CLIC5: variants seen among roughly 807,000 people sequenced by gnomAD.
The protein encoded by CLIC5 is chloride intracellular channel protein 5.
Under a neutral mutation model 24.7 loss-of-function variants are expected in CLIC5, and 20 were observed. The ratio of observed to expected loss-of-function variants is 0.81; its 90% CI spans 0.57 to 1.18. CLIC5 has a LOEUF of 1.18. Ranked by LOEUF, CLIC5 falls within the 50% of genes most tolerant of loss-of-function variation. CLIC5 has a pLI of 0.00. For synonymous variants in CLIC5, 159 were observed against 135.6 expected, an observed-to-expected ratio of 1.17 and a Z score of -1.20; for missense variants, 341 against 326.1, an observed-to-expected ratio of 1.05 and a Z score of -0.35.
At chr6:46,025,293 A>AT (rs1767298508) in intron 1 of CLIC5, among the ~76,000 whole-genome samples, 1 of 152,180 alleles carries the variant, frequency 6.6e-6, no homozygotes, top group South Asian at 2.1e-4. Flanking sequence ...CAAAAGAGTT[A>AT]TTTTTCCCCA....
rs58643121 is a variant in CLIC5 at position 46,006,127 on chromosome 6, C to CATATATAT, written c.63+9345_63+9352dup. ...ATATATATATACACATGTATAAATA[C>CATATATAT]ATATATATATATATATATATATATA... is the stretch of plus-strand genomic sequence containing the variant. On this transcript the variant is annotated intron_variant, in intron 1 of 5. Transcript: ENST00000339561. Among the ~76,000 whole-genome samples, 111 of 35,108 alleles carry CATATATAT rather than the reference C, an allele frequency of 3.2e-3. 2 individuals are homozygous for CATATATAT. Among genetic ancestry groups the CATATATAT allele is most frequent in the African/African-American group, 8.0e-3 (43 of 5,384 alleles). 23.0% of individuals were successfully genotyped at this position (35,108 alleles called of 152,430 possible). A position where few individuals can be genotyped will look rare whatever the true frequency, so the allele number is the denominator to read the frequency against.
intron 5 of CLIC5, among the ~76,000 whole-genome samples, chr6:45,905,869 T>C (rs1361079476): frequency 6.6e-6 from 1 of 152,212 alleles, no homozygotes; most frequent in Admixed American, 6.5e-5. Flanking sequence ...CTTTAATCCA[T>C]ATTGAGTTAC....
chr6:45,989,296 A>G (rs1484498580), intron 1 of CLIC5, among the ~76,000 whole-genome samples: 2 of 152,150 alleles, frequency 1.3e-5, no homozygotes, highest in Non-Finnish European at 2.9e-5. Context: ...CTTCTCTGAC[A>G]ATTAGCCTCA....
downstream of CLIC5, among the ~76,000 whole-genome samples, chr6:45,897,369 T>C (rs553434853): frequency 8.8e-4 from 134 of 152,188 alleles, no homozygotes; most frequent in Non-Finnish European, 1.6e-3. Context: ...GCTTTACTCT[T>C]GGAACTGGGG....
At chr6:46,000,587 G>T (rs1222461151) in intron 1 of CLIC5, among the ~76,000 whole-genome samples, 1 of 152,176 alleles carries the variant, frequency 6.6e-6, no homozygotes, top group Admixed American at 6.5e-5. Context: ...AAGAAAAGAG[G>T]TTTAATTGAC....
At chr6:45,897,218 C>G (rs920453580), downstream of CLIC5, among the ~76,000 whole-genome samples, 8 of 152,100 alleles carry the variant, frequency 5.3e-5, no homozygotes, top group Non-Finnish European at 1.2e-4. Context: ...AAGCAGTGAC[C>G]TAAGGAGTCA....
At chr6:46,098,230 C>G in the CLIC5 span, among the ~76,000 whole-genome samples, 2 of 152,302 alleles carry the variant, frequency 1.3e-5, no homozygotes, top group East Asian at 1.9e-4. Flanking sequence ...TTGTAGGTAT[C>G]TTTTTCTTCC....
intron 1 of CLIC5, among the ~76,000 whole-genome samples, chr6:46,011,609 C>G (rs1055799140): frequency 1.3e-5 from 2 of 152,154 alleles, no homozygotes; most frequent in African/African-American, 4.8e-5. Context: ...GAGACACTTG[C>G]GGCGAGCTTG....
intron 1 of CLIC5, among the ~76,000 whole-genome samples, chr6:46,041,604 T>C (rs1301527769): frequency 1.3e-5 from 2 of 152,184 alleles, no homozygotes. Context: ...AACCAAAAAA[T>C]TAGAGGTCAT....
chr6:46,084,647 T>C (rs1339291297), upstream of CLIC5, among the ~76,000 whole-genome samples: 1 of 152,228 alleles, frequency 6.6e-6, no homozygotes, highest in Non-Finnish European at 1.5e-5. Context: ...AGATCCGCTG[T>C]TAGTCTGATG....
At chr6:45,888,397 G>T (rs563800716) in intron 6 of CLIC5, among the ~76,000 whole-genome samples, 7 of 152,272 alleles carry the variant, frequency 4.6e-5, no homozygotes, top group East Asian at 3.9e-4. Context: ...GAGTTTCAGG[G>T]AAAGAGAGAT....
At chr6:45,974,495 G>GTATATATATA (rs1456137513) in intron 1 of CLIC5, among the ~76,000 whole-genome samples, 5 of 76,546 alleles carry the variant, frequency 6.5e-5, no homozygotes, top group African/African-American at 2.4e-4. Context: ...GTGTGTGTGT[G>GTATATATATA]TGTATATATA....
chr6:46,092,790 A>G, the CLIC5 span, among the ~76,000 whole-genome samples: 1 of 152,168 alleles, frequency 6.6e-6, no homozygotes, highest in Non-Finnish European at 1.5e-5. Context: ...CTACTCTGTC[A>G]TTGTTAATAA....
At chr6:46,060,060 A>T (rs1299992978) in intron 1 of CLIC5, among the ~76,000 whole-genome samples, 1 of 152,150 alleles carries the variant, frequency 6.6e-6, no homozygotes, top group African/African-American at 2.4e-5. Context: ...AGCAAATATT[A>T]AAAATAAAAA....
chr6:46,128,493 C>A, the CLIC5 span, among the ~76,000 whole-genome samples: 2 of 152,232 alleles, frequency 1.3e-5, 1 homozygote, highest in South Asian at 4.1e-4. Flanking sequence ...CTTACCCTGA[C>A]TATTGTTCAA....
At chr6:46,093,795 G>C in the CLIC5 span, among the ~76,000 whole-genome samples, 1 of 152,186 alleles carries the variant, frequency 6.6e-6, no homozygotes, top group African/African-American at 2.4e-5. Flanking sequence ...ATCAAAGAAA[G>C]ATGAAAACAC....
chr6:46,044,530 C>A (rs141334895), intron 1 of CLIC5, among the ~76,000 whole-genome samples: 2 of 152,136 alleles, frequency 1.3e-5, no homozygotes, highest in African/African-American at 2.4e-5. Context: ...AGTATTGTTA[C>A]AAACCTTCAG....
chr6:45,960,221 C>T (rs1472695403), intron 1 of CLIC5, among the ~76,000 whole-genome samples: 1 of 152,098 alleles, frequency 6.6e-6, no homozygotes, highest in Non-Finnish European at 1.5e-5. Context: ...GGCCAAAAGT[C>T]ACTCGCGGGT....
intron 1 of CLIC5, among the ~76,000 whole-genome samples, chr6:46,025,605 C>T (rs972247178): frequency 2.2e-4 from 34 of 152,074 alleles, no homozygotes; most frequent in African/African-American, 6.8e-4. Flanking sequence ...AGTAAAGGCC[C>T]AGCCTGGAAA....
Sources: allele counts gnomAD v4.1 joint callset (sites outside exome capture counted in the v4.1 genomes callset), GRCh38; gene constraint gnomAD v4.1.1; transcripts MANE v1.5; gene names NCBI Gene and HGNC (gene_info 2026-07-23, HGNC 2026-07-21).